THRAP3: variants seen among roughly 807,000 people sequenced by gnomAD.
The protein encoded by THRAP3 is thyroid hormone receptor associated protein 3.
In THRAP3, 16 loss-of-function variants were observed where a neutral mutation model predicts 101.0. The observed-to-expected ratio is 0.16, with a 90% CI of 0.11 to 0.24. THRAP3 has a LOEUF of 0.24. Ranked by LOEUF, THRAP3 falls within the 10% of genes least tolerant of loss-of-function variation. The pLI is 1.00. For missense variants in THRAP3, 989 were observed against 1,202.7 expected, an observed-to-expected ratio of 0.82 and a Z score of 2.63; for synonymous variants, 407 against 422.6, an observed-to-expected ratio of 0.96 and a Z score of 0.45.
chr1:36,208,591 C>T, the THRAP3 span, among the ~76,000 whole-genome samples: 6 of 152,202 alleles, frequency 3.9e-5, no homozygotes, highest in Non-Finnish European at 5.9e-5. Context: ...TTAGTTATTA[C>T]TGAATAAACC....
chr1:36,245,850 C>T (rs1645224445), intron 1 of THRAP3, among the ~76,000 whole-genome samples: 1 of 152,138 alleles, frequency 6.6e-6, no homozygotes, highest in African/African-American at 2.4e-5. Context: ...CCTCCCCACA[C>T]CCACCAAAAT....
In THRAP3 at chr1:36,293,745, G is replaced by A. The variant is rs538656988; in HGVS notation, c.2031-106G>A. On this transcript the variant is annotated intron_variant, in intron 7 of 11. Coordinates refer to ENST00000354618, the MANE Select transcript of THRAP3 (RefSeq NM_005119.4). ...TAGATACATAAGTCATGAAACGTAA[G>A]GAAAAATAATGCCTGTGAATCTATT... 1.1e-5 allele frequency: 10 copies of A among 921,314 alleles called. No individual in the cohort carries two copies. The African/African-American group carries it at 1.7e-4, about 16-fold the overall frequency. 57.1% of individuals were successfully genotyped at this position (921,314 alleles called of 1,614,324 possible). A position where few individuals can be genotyped will look rare whatever the true frequency, so the allele number is the denominator to read the frequency against.
rs1388869141 is a variant in THRAP3 at position 36,304,005 on chromosome 1, C to T, written c.2856C>T (p.Pro952=). The change falls in exon 12 of 12, where the codon CCC becomes CCT. Residue 952 remains proline (P), a synonymous_variant. Transcript: ENST00000354618. ...GAGAAGAGAAGGACAATATACAGCCCACAACCGAGTAGGGGCCACCCTTGA... is the reference window on the plus strand; with the variant it reads ...GAGAAGAGAAGGACAATATACAGCCTACAACCGAGTAGGGGCCACCCTTGA... ...ENREEKDNIQ[P]TTE 1 of 1,557,634 alleles carries T rather than the reference C, an allele frequency of 6.4e-7. No homozygotes were observed.
rs189452302 is a variant in THRAP3, at chr1:36,263,452, G to A, written c.-32+3968G>A. Among the ~76,000 whole-genome samples, 188 of 152,250 alleles carry A rather than the reference G, an allele frequency of 1.2e-3. 1 individual carries two copies. Among genetic ancestry groups the A allele is most frequent in the African/African-American group, 4.0e-3 (166 of 41,544 alleles). On this transcript the variant is annotated intron_variant, in intron 2 of 11. Transcript: ENST00000354618. The stretch of plus-strand genomic sequence containing the variant: ...GTGTCATGATTGGCTGCTTAATTTA[G>A]CTTAGAAAAGATTTATCATAATGAG...
At chr1:36,257,880 AC>A (rs1464263055) in intron 1 of THRAP3, among the ~76,000 whole-genome samples, 1 of 152,168 alleles carries the variant, frequency 6.6e-6, no homozygotes, top group African/African-American at 2.4e-5. Context: ...TCGCTCTGTC[AC>A]CCACGCTGGA....
At chr1:36,265,459 CTTTTTTT>C (rs60539096) in intron 2 of THRAP3, among the ~76,000 whole-genome samples, 60 of 104,816 alleles carry the variant, frequency 5.7e-4, no homozygotes, top group African/African-American at 1.8e-3. Context: ...AGACAGGAAA[CTTTTTTT>C]TTTTTTTTTT....
chr1:36,257,548 C>CAGGA (rs909597611), intron 1 of THRAP3, among the ~76,000 whole-genome samples: 5 of 152,124 alleles, frequency 3.3e-5, no homozygotes, highest in Admixed American at 3.3e-4. Context: ...AGATGACATG[C>CAGGA]AGGACAGGCT....
Position 36,296,753 on chromosome 1 carries a change from A to G in THRAP3, c.2286A>G (p.Lys762=). 6.3e-7 allele frequency: 1 copy of G among 1,592,424 alleles called. No homozygotes were observed. Among genetic ancestry groups the G allele is most frequent in the African/African-American group, 1.4e-5 (1 of 73,356 alleles). Residue 762 remains lysine, a synonymous_variant, in exon 9 of 12, where the codon AAA becomes AAG. Coordinates refer to ENST00000354618, the MANE Select transcript of THRAP3 (RefSeq NM_005119.4). ...RSAEKTEKTH[K]GSKKQKKHRR... is the part of the protein sequence containing the mutation. Reference sequence around the variant, plus strand: ...CTGAAAAAACAGAGAAAACTCATAAAGGATCAAAGAAACAGAAGTACGTAA... The same window carrying G: ...CTGAAAAAACAGAGAAAACTCATAAGGGATCAAAGAAACAGAAGTACGTAA...
chr1:36,302,076 A>G (rs548862786), intron 11 of THRAP3, among the ~76,000 whole-genome samples: 11 of 152,210 alleles, frequency 7.2e-5, no homozygotes, highest in Non-Finnish European at 1.6e-4. Context: ...AAGAATGACA[A>G]GAAAGACCGC....
chr1:36,253,779 T>C (rs1268224080), intron 1 of THRAP3, among the ~76,000 whole-genome samples: 1 of 139,568 alleles, frequency 7.2e-6, no homozygotes, highest in Non-Finnish European at 1.6e-5. Context: ...TTTTTTTTTT[T>C]AGTTTTTGTA....
intron 1 of THRAP3, among the ~76,000 whole-genome samples, chr1:36,234,450 T>C (rs1200987258): frequency 2.0e-5 from 3 of 152,182 alleles, no homozygotes; most frequent in Admixed American, 6.6e-5. Context: ...TTTCTCATAA[T>C]GTCATTCTTC....
At chr1:36,292,258 TTGTTTC>T (rs1451907366) in intron 6 of THRAP3, among the ~76,000 whole-genome samples, 573 of 53,688 alleles carry the variant, frequency 0.011, 96 homozygotes, top group African/African-American at 0.03. Context: ...ATGTGTTTCT[TTGTTTC>T]TTTTTTTTTT....
In THRAP3 at chr1:36,253,741, A is replaced by G. The variant is rs576760489; in HGVS notation, c.-134-5641A>G. On this transcript the variant is annotated intron_variant, in intron 1 of 11. Coordinates refer to ENST00000354618, the MANE Select transcript of THRAP3 (RefSeq NM_005119.4). ...CCTGAATAGCTGGGACCACAGGCGTACACCATTGAGTCAGGCTAATTTTTT... is the reference window on the plus strand; with the variant it reads ...CCTGAATAGCTGGGACCACAGGCGTGCACCATTGAGTCAGGCTAATTTTTT... Among the ~76,000 whole-genome samples, 38 of 122,936 alleles carry G rather than the reference A, an allele frequency of 3.1e-4. 1 individual carries two copies. The South Asian group carries it at 8.3e-3, about 27-fold the overall frequency. The allele number at this position is 122,936 out of a possible 152,430, so 80.7% of individuals were successfully genotyped here. A position where few individuals can be genotyped will look rare whatever the true frequency, so the allele number is the denominator to read the frequency against.
At chr1:36,294,046 T>C in intron 8 of THRAP3, 111 bp downstream of exon 8, 1 of 1,518,412 alleles carries the variant, frequency 6.6e-7, no homozygotes, top group Non-Finnish European at 8.9e-7. Context: ...GTTTTTCTTT[T>C]AAGGATGGGC....
the THRAP3 span, among the ~76,000 whole-genome samples, chr1:36,214,910 G>T: frequency 6.6e-6 from 1 of 150,740 alleles, no homozygotes; most frequent in Non-Finnish European, 1.5e-5. Context: ...TGAGAATCAC[G>T]TCCCTCCCCT....
At position 36,286,810 on chromosome 1, in the gene THRAP3, G is replaced by A. The variant is rs779872558; in HGVS notation, c.580G>A (p.Gly194Arg). The change falls in exon 4 of 12, where the codon GGG (glycine) becomes AGG (arginine). Residue 194 changes from glycine to arginine, a missense_variant. Coordinates refer to ENST00000354618, the MANE Select transcript of THRAP3 (RefSeq NM_005119.4). This position sits in a 1 kb window ranked among gnomAD's most constrained non-coding sequence, Gnocchi z 5.5. ...SKDSRPSQAA[G>R]DNQGDEAKEQ... Reference sequence around the variant, plus strand: ...GGATAGCCGGCCATCTCAGGCTGCCGGGGATAACCAGGGAGATGAGGCCAA... The same window carrying A: ...GGATAGCCGGCCATCTCAGGCTGCCAGGGATAACCAGGGAGATGAGGCCAA... 21 of 1,614,062 alleles carry A rather than the reference G, an allele frequency of 1.3e-5. No homozygotes were observed. In the Admixed American group the frequency reaches 1.7e-4, roughly 13 times the overall value.
At chr1:36,228,028 A>G (rs987446483) in intron 1 of THRAP3, among the ~76,000 whole-genome samples, 2 of 144,042 alleles carry the variant, frequency 1.4e-5, no homozygotes, top group African/African-American at 5.2e-5. Flanking sequence ...GGCACCCGCC[A>G]CCACACGTGG....
intron 7 of THRAP3, 67 bp from the exon 8 acceptor site, chr1:36,293,784 G>C: frequency 7.3e-7 from 1 of 1,360,874 alleles, no homozygotes; most frequent in South Asian, 1.2e-5. Flanking sequence ...CAACTTAAGA[G>C]CTAGAATATT....
At position 36,275,767 on chromosome 1, in the gene THRAP3, A is replaced by T. The variant is rs139366433; in HGVS notation, c.-31-6766A>T. ...CTAGGTGTGGTGGCTCATGCCTGTA[A>T]TCCCAACACTTGGGAGGCCGAGGTG... On this transcript the variant is annotated intron_variant, in intron 2 of 11. Transcript: ENST00000354618. 3.0e-4 allele frequency among the ~76,000 whole-genome samples: 45 copies of T among 151,996 alleles called. 2 individuals carry two copies. In the East Asian group the frequency reaches 8.8e-3, roughly 30 times the overall value.
Sources: allele counts gnomAD v4.1 joint callset (sites outside exome capture counted in the v4.1 genomes callset), GRCh38; gene constraint gnomAD v4.1.1; non-coding constraint Gnocchi (gnomAD v3.1); transcripts MANE v1.5; gene names NCBI Gene and HGNC (gene_info 2026-07-23, HGNC 2026-07-21).